Variants in RBFOX1 observed in about 807,000 individuals in gnomAD.
RBFOX1 encodes RNA binding fox-1 homolog 1, also known as RNA binding protein fox-1 homolog 1.
Under a neutral mutation model 57.7 loss-of-function variants are expected in RBFOX1, and 8 were observed. The observed-to-expected ratio is 0.14, with a 90% CI of 0.08 to 0.25. The LOEUF (loss-of-function observed/expected upper bound fraction) is 0.25, where lower values mean the gene tolerates loss of function less well. Ranked by LOEUF, RBFOX1 falls within the 10% of genes least tolerant of loss-of-function variation. The pLI, the probability that RBFOX1 is intolerant of heterozygous loss-of-function variation, is 1.00. For synonymous variants in RBFOX1, 326 were observed against 222.4 expected (o/e 1.47, Z -4.15); for missense variants, 611 against 548.5 (o/e 1.11, Z -1.14).
In RBFOX1 at chr16:6,157,294, A is replaced by AG. The variant is rs778900914; in HGVS notation, c.-127+137302_-127+137303insG. On this transcript the variant is annotated intron_variant, in intron 1 of 15. Coordinates refer to ENST00000550418, the MANE Select transcript of RBFOX1 (RefSeq NM_018723.4). ...AAACAGGTGGCCAAGGTAAGCCCAGAAACCATTTGCCCTACTTCTCTGGGC... is the reference window on the plus strand; with the variant it reads ...AAACAGGTGGCCAAGGTAAGCCCAGAGAACCATTTGCCCTACTTCTCTGGGC... Among the ~76,000 whole-genome samples the AG allele has an allele frequency of 2.4e-3, 359 of 152,284 alleles. 1 individual carries two copies. The highest frequency in any genetic ancestry group is 3.7e-3 in the Admixed American group (56 of 15,294).
Position 6,898,097 on chromosome 16 carries a change from C to T in RBFOX1, c.-15-153960C>T, listed in dbSNP as rs1049461909. Among the ~76,000 whole-genome samples, 20 of 152,150 alleles carry T rather than the reference C, an allele frequency of 1.3e-4. 1 individual carries two copies. Among genetic ancestry groups the T allele is most frequent in the Non-Finnish European group, 1.0e-4 (7 of 68,018 alleles). Reference sequence around the variant, plus strand: ...AGTTATTTCAAAGAAATGAGGTGAACCGAGTAAATTCCACACCATATTCAG... The same window carrying T: ...AGTTATTTCAAAGAAATGAGGTGAATCGAGTAAATTCCACACCATATTCAG... On this transcript the variant is annotated intron_variant, in intron 3 of 15. Coordinates refer to ENST00000550418, the MANE Select transcript of RBFOX1 (RefSeq NM_018723.4).
chr16:7,309,551 C>A (rs943700214), intron 4 of RBFOX1, among the ~76,000 whole-genome samples: 1 of 152,212 alleles, frequency 6.6e-6, no homozygotes, highest in Admixed American at 6.5e-5. Context: ...TTAGTGCTCA[C>A]CCGCCATCTG....
At chr16:5,399,944 A>C (rs1290370774) in intron 1 of RBFOX1, among the ~76,000 whole-genome samples, 3 of 151,984 alleles carry the variant, frequency 2.0e-5, no homozygotes, top group Non-Finnish European at 4.4e-5. Flanking sequence ...CCAACAACCC[A>C]AGCCAAAACT....
intron 4 of RBFOX1, among the ~76,000 whole-genome samples, chr16:7,318,779 G>C (rs1409956063): frequency 1.3e-5 from 2 of 152,120 alleles, no homozygotes; most frequent in Non-Finnish European, 1.5e-5. Flanking sequence ...TCAACCGCCA[G>C]ACCCACCCCC....
intron 1 of RBFOX1, among the ~76,000 whole-genome samples, chr16:5,347,669 CT>C (rs1244338337): frequency 2.7e-5 from 4 of 150,478 alleles, no homozygotes; most frequent in Non-Finnish European, 5.9e-5. Flanking sequence ...TCCACCCACC[CT>C]TTCACTCAAT....
chr16:5,721,310 C>G (rs1325835206), intron 3 of RBFOX1, among the ~76,000 whole-genome samples: 1 of 152,136 alleles, frequency 6.6e-6, no homozygotes, highest in South Asian at 2.1e-4. Flanking sequence ...TATCCTGCTA[C>G]TTTGCTGAAT....
chr16:6,469,530 C>A (rs1057131861), intron 2 of RBFOX1, among the ~76,000 whole-genome samples: 1 of 152,146 alleles, frequency 6.6e-6, no homozygotes. Context: ...AAGACAAATA[C>A]GGGGTGAGAC....
At chr16:6,735,959 A>ATT (rs768883052) in intron 3 of RBFOX1, among the ~76,000 whole-genome samples, 151,577 of 151,594 alleles carry the variant, frequency 1, 75,780 homozygotes, top group Middle Eastern at 1. Context: ...TTTTGGAATA[A>ATT]ATAAGGTTTG....
At chr16:6,628,654 G>A (rs1255266863) in intron 2 of RBFOX1, among the ~76,000 whole-genome samples, 1 of 151,986 alleles carries the variant, frequency 6.6e-6, no homozygotes, top group Non-Finnish European at 1.5e-5. Flanking sequence ...TTTGTTTGTG[G>A]TCTTTTATTT....
At chr16:6,988,688 C>T (rs1464946546) in intron 3 of RBFOX1, among the ~76,000 whole-genome samples, 1 of 150,988 alleles carries the variant, frequency 6.6e-6, no homozygotes, top group African/African-American at 2.4e-5. Context: ...CCTTAGCCTC[C>T]TGAGCAGCTG....
chr16:7,567,080 G>GAT (rs1257061928), intron 5 of RBFOX1, among the ~76,000 whole-genome samples: 6 of 142,720 alleles, frequency 4.2e-5, no homozygotes, highest in East Asian at 2.1e-4. Context: ...ATTAAAGCTG[G>GAT]ATATATATAT....
chr16:6,347,941 A>G (rs774706159), intron 2 of RBFOX1, among the ~76,000 whole-genome samples: 7 of 152,208 alleles, frequency 4.6e-5, no homozygotes, highest in Non-Finnish European at 1.0e-4. Flanking sequence ...ACATGTTTGC[A>G]TCTCAGCCTA....
intron 3 of RBFOX1, among the ~76,000 whole-genome samples, chr16:5,723,086 T>G (rs1160826750): frequency 6.6e-6 from 1 of 152,226 alleles, no homozygotes; most frequent in Non-Finnish European, 1.5e-5. Flanking sequence ...TCACAAGTGA[T>G]GCAGGTTTGC....
chr16:6,550,914 G>A (rs2096978194), intron 2 of RBFOX1, among the ~76,000 whole-genome samples: 1 of 152,116 alleles, frequency 6.6e-6, no homozygotes, highest in Non-Finnish European at 1.5e-5. Context: ...TGAATACTCG[G>A]GCAACTCAAG....
chr16:6,421,277 C>T (rs888383378), intron 2 of RBFOX1, among the ~76,000 whole-genome samples: 2 of 152,156 alleles, frequency 1.3e-5, no homozygotes, highest in Non-Finnish European at 2.9e-5. Flanking sequence ...GAGCCGCTCT[C>T]TATGGGAGAA....
At chr16:6,704,180 T>C (rs1273285182) in intron 3 of RBFOX1, 1 of 152,178 alleles carries the variant, frequency 6.6e-6, no homozygotes, top group Non-Finnish European at 1.5e-5. Context: ...CCATGTTGTG[T>C]GTAAGGAAAT....
At chr16:6,785,918 G>C (rs551243203) in intron 3 of RBFOX1, among the ~76,000 whole-genome samples, 1 of 152,310 alleles carries the variant, frequency 6.6e-6, no homozygotes, top group South Asian at 2.1e-4. Context: ...ATGGCACTGT[G>C]ACTGAGGAAC....
chr16:5,802,360 G>A (rs867876643), intron 3 of RBFOX1, among the ~76,000 whole-genome samples: 4 of 152,126 alleles, frequency 2.6e-5, no homozygotes, highest in African/African-American at 7.2e-5. Context: ...GCCAAGATGC[G>A]TGTGAGTCTT....
rs5815427 is a variant in RBFOX1, at chr16:7,710,844, T to TAA, written c.*112_*113dup. The TAA allele has an allele frequency of 0.042, 34,644 of 820,298 alleles. 46 individuals are homozygous for TAA. Among genetic ancestry groups the TAA allele is most frequent in the Non-Finnish European group, 0.046 (28,238 of 614,892 alleles). The allele number at this position is 820,298 out of a possible 1,614,324, so 50.8% of individuals were successfully genotyped here. A position where few individuals can be genotyped will look rare whatever the true frequency, so the allele number is the denominator to read the frequency against. Reference sequence around the variant, plus strand: ...CAGTAGTACATCATTTTAGCAACTCTAAAAAAAAAAAAAATACAAATAAAA... The same window carrying TAA: ...CAGTAGTACATCATTTTAGCAACTCTAAAAAAAAAAAAAAAATACAAATAAAA... On this transcript the variant is annotated 3_prime_UTR_variant, in exon 16 of 16. Coordinates refer to ENST00000550418, the MANE Select transcript of RBFOX1 (RefSeq NM_018723.4).
Sources: allele counts gnomAD v4.1 joint callset (sites outside exome capture counted in the v4.1 genomes callset), GRCh38; gene constraint gnomAD v4.1.1; transcripts MANE v1.5; gene names NCBI Gene and HGNC (gene_info 2026-07-23, HGNC 2026-07-21).